The following EIF4E2 variants were observed in gnomAD, a reference collection of about 807,000 sequenced individuals.
EIF4E2 encodes eukaryotic translation initiation factor 4E type 2.
A neutral mutation model predicts 34.2 loss-of-function variants in EIF4E2; 13 were observed. The ratio of observed to expected loss-of-function variants is 0.38; its 90% CI spans 0.25 to 0.60. EIF4E2 has a LOEUF of 0.60. EIF4E2 is among the 20% of genes least tolerant of loss of function. EIF4E2 has a pLI of 0.62. For missense variants in EIF4E2, 222 were observed against 315.1 expected, an observed-to-expected ratio of 0.70 and a Z score of 2.24; for synonymous variants, 100 against 106.6, an observed-to-expected ratio of 0.94 and a Z score of 0.38.
At chr2:232,564,668 G>A (rs538602202) in intron 4 of EIF4E2, among the ~76,000 whole-genome samples, 90 of 152,316 alleles carry the variant, frequency 5.9e-4, no homozygotes, top group African/African-American at 2.2e-3. Flanking sequence ...AGCCAGGATG[G>A]TCTCGATCTC....
chr2:232,575,730 A>AT (rs1693196029), intron 6 of EIF4E2, among the ~76,000 whole-genome samples: 1 of 152,216 alleles, frequency 6.6e-6, no homozygotes, highest in Non-Finnish European at 1.5e-5. Context: ...TAAATCATTG[A>AT]TTTTTAGGCT....
At chr2:232,550,858 C>G (rs1692282694) in intron 1 of EIF4E2, 114 bp downstream of exon 1, 1 of 1,061,366 alleles carries the variant, frequency 9.4e-7, no homozygotes, top group Non-Finnish European at 1.3e-6. Flanking sequence ...CTGCTGGGAT[C>G]CGGCTGCGGC....
At chr2:232,564,173 A>C (rs1242558569) in intron 3 of EIF4E2, 74 bp from the exon 4 acceptor site, 1 of 988,920 alleles carries the variant, frequency 1.0e-6, no homozygotes, top group African/African-American at 1.6e-5. Flanking sequence ...TTCTTAACTA[A>C]ATCTCAACCT....
At chr2:232,554,486 T>C (rs1398270901) in intron 1 of EIF4E2, among the ~76,000 whole-genome samples, 3 of 152,206 alleles carry the variant, frequency 2.0e-5, no homozygotes, top group Non-Finnish European at 4.4e-5. Context: ...ACAAGCACTC[T>C]GGTAGCTCAT....
intron 6 of EIF4E2, chr2:232,567,598 T>C: frequency 8.6e-7 from 1 of 1,160,360 alleles, no homozygotes; most frequent in South Asian, 3.9e-5. Context: ...TCTGCATGTC[T>C]TTTTAACTTG....
chr2:232,560,257 G>A (rs978323747), intron 3 of EIF4E2, among the ~76,000 whole-genome samples: 8 of 152,128 alleles, frequency 5.3e-5, no homozygotes, highest in African/African-American at 1.2e-4. Flanking sequence ...GGAAAGAATC[G>A]TCTTTTCAAC....
At chr2:232,568,547 G>C (rs554320954) in intron 6 of EIF4E2, 87 of 985,260 alleles carry the variant, frequency 8.8e-5, no homozygotes, top group Non-Finnish European at 1.0e-4. Flanking sequence ...CTGTTTCTAG[G>C]ATTCTCGTTT....
In EIF4E2 at chr2:232,580,817, T is replaced by C. The variant is rs142034704; in HGVS notation, c.666-87T>C. 11,140 of 1,222,294 alleles carry C rather than the reference T, an allele frequency of 9.1e-3. 78 individuals are homozygous for C. Among genetic ancestry groups the C allele is most frequent in the Middle Eastern group, 0.014 (50 of 3,614 alleles). 75.7% of individuals were successfully genotyped at this position (1,222,294 alleles called of 1,614,324 possible). On this transcript the variant is annotated intron_variant, in intron 6 of 6. Transcript: ENST00000409098. ...ATGTCATGGAGACCCCGAGGGCTGATGAGTCAGCATCCCCCTGTATATGTG... is the reference window on the plus strand; with the variant it reads ...ATGTCATGGAGACCCCGAGGGCTGACGAGTCAGCATCCCCCTGTATATGTG...
At chr2:232,554,081 G>C (rs1692435357) in intron 1 of EIF4E2, among the ~76,000 whole-genome samples, 1 of 152,180 alleles carries the variant, frequency 6.6e-6, no homozygotes, top group South Asian at 2.1e-4. Flanking sequence ...AAGAACCTTT[G>C]AGATGTTTTT....
At chr2:232,577,314 T>A (rs1423823430) in intron 6 of EIF4E2, among the ~76,000 whole-genome samples, 1 of 152,172 alleles carries the variant, frequency 6.6e-6, no homozygotes, top group Non-Finnish European at 1.5e-5. Context: ...ACGGGACCCC[T>A]CAGAGCCAAT....
At chr2:232,561,803 A>G (rs1006847492) in intron 3 of EIF4E2, among the ~76,000 whole-genome samples, 1 of 152,180 alleles carries the variant, frequency 6.6e-6, no homozygotes, top group Admixed American at 6.5e-5. Context: ...TTTCTCAACT[A>G]TAAAACAAGT....
chr2:232,553,903 G>C (rs1211773793), intron 1 of EIF4E2: 1 of 152,132 alleles, frequency 6.6e-6, no homozygotes, highest in African/African-American at 2.4e-5. Flanking sequence ...TACTTTTCTT[G>C]GGTCTAGCAA....
At chr2:232,551,332 G>T (rs1692313373) in intron 1 of EIF4E2, 1 of 469,006 alleles carries the variant, frequency 2.1e-6, no homozygotes, top group African/African-American at 2.0e-5. Flanking sequence ...CAACACACTC[G>T]CCAAGACCTA....
chr2:232,551,182 A>G (rs770512926), intron 1 of EIF4E2: 20 of 498,754 alleles, frequency 4.0e-5, no homozygotes, highest in Non-Finnish European at 6.9e-5. Flanking sequence ...TGGGGACGGT[A>G]ACACCCTTTG....
downstream of EIF4E2, among the ~76,000 whole-genome samples, chr2:232,572,006 G>A (rs1395266625): frequency 6.6e-6 from 1 of 152,194 alleles, no homozygotes. Context: ...TACGTGAGAT[G>A]GGCCAAGAGT....
intron 6 of EIF4E2, chr2:232,568,169 A>G (rs1248568500): frequency 3.0e-6 from 3 of 985,214 alleles, no homozygotes; most frequent in Admixed American, 6.1e-5. Context: ...CATCATTAGT[A>G]AGAATATCAT....
rs576233672 is a variant in EIF4E2, at chr2:232,559,824, TA to T, written c.270+1825del. Among the ~76,000 whole-genome samples the T allele has an allele frequency of 4.4e-3, 505 of 115,448 alleles. 2 individuals carry two copies. The highest frequency in any genetic ancestry group is 0.023 in the East Asian group (94 of 4,082). 75.7% of individuals were successfully genotyped at this position (115,448 alleles called of 152,430 possible). On this transcript the variant is annotated intron_variant, in intron 3 of 6. Transcript: ENST00000258416. ...GCTGGCTTGGAGAAAACGGGAGCAT[TA>T]AAAAAAAAAAAAAAAAAAGGCTGGC...
chr2:232,581,190 G>A lies in EIF4E2; in HGVS notation c.*247G>A. ...ACATTGTTTTTTAATGGGGTTCCAT[G>A]GGGGGGCGTTCAGCCTTTCTGTTTG... On this transcript the variant is annotated 3_prime_UTR_variant, in exon 7 of 7. Transcript: ENST00000409098. This position sits in a 1 kb window ranked among gnomAD's most constrained non-coding sequence, Gnocchi z 5.2. The A allele has an allele frequency of 1.6e-6, 1 of 616,300 alleles. No individual in the cohort carries two copies. The highest frequency in any genetic ancestry group is 1.6e-5 in the South Asian group (1 of 63,626). 38.2% of individuals were successfully genotyped at this position (616,300 alleles called of 1,614,324 possible).
Position 232,557,472 on chromosome 2 carries a change from A to T in EIF4E2, c.136-412A>T, listed in dbSNP as rs74400878. ...CTCAGCATTGTATATCCACTGATTC[A>T]TTTGATCCTCTCAGCAGTATTGTGA... On this transcript the variant is annotated intron_variant, in intron 2 of 6. Coordinates refer to ENST00000258416, the MANE Select transcript of EIF4E2 (RefSeq NM_004846.4). 3.0e-3 allele frequency: 554 copies of T among 182,596 alleles called. 1 individual carries two copies. Among genetic ancestry groups the T allele is most frequent in the African/African-American group, 0.012 (518 of 42,430 alleles). 11.3% of individuals were successfully genotyped at this position (182,596 alleles called of 1,614,324 possible). A position where few individuals can be genotyped will look rare whatever the true frequency, so the allele number is the denominator to read the frequency against.
Sources: allele counts gnomAD v4.1 joint callset (sites outside exome capture counted in the v4.1 genomes callset), GRCh38; gene constraint gnomAD v4.1.1; non-coding constraint Gnocchi (gnomAD v3.1); transcripts MANE v1.5; gene names NCBI Gene and HGNC (gene_info 2026-07-23, HGNC 2026-07-21).